PCDH9: variants seen among roughly 807,000 people sequenced by gnomAD.
PCDH9 encodes the protein protocadherin 9, also known as protocadherin-9.
PCDH9 carries 24 observed loss-of-function variants against 70.6 expected under a neutral mutation model. The observed-to-expected ratio is 0.34, with a 90% CI of 0.25 to 0.48. The LOEUF (loss-of-function observed/expected upper bound fraction) is 0.48, where lower values mean the gene tolerates loss of function less well. Among genes scored for constraint, PCDH9 ranks in the 20% least tolerant of loss-of-function variants. The pLI, the probability that PCDH9 is intolerant of heterozygous loss-of-function variation, is 0.99. For synonymous variants in PCDH9, 562 were observed against 558.5 expected (o/e 1.01, Z -0.09); for missense variants, 1,281 against 1,503.6 (o/e 0.85, Z 2.45).
At position 66,896,577 on chromosome 13, in the gene PCDH9, T is replaced by A. The variant is rs549690182; in HGVS notation, c.3138+6927A>T. Among the ~76,000 whole-genome samples the A allele has an allele frequency of 1.4e-4, 21 of 152,326 alleles. No individual in the cohort carries two copies. The East Asian group carries it at 4.0e-3, about 29-fold the overall frequency. On this transcript the variant is annotated intron_variant, in intron 3 of 4. Coordinates refer to ENST00000377865, the MANE Select transcript of PCDH9 (RefSeq NM_203487.3). Reference sequence around the variant, plus strand: ...AATAATTTCTATAAAAATCAAAATCTATTTGTACAAATGTATCTGTAAATA... The same window carrying A: ...AATAATTTCTATAAAAATCAAAATCAATTTGTACAAATGTATCTGTAAATA...
chr13:66,349,104 TG>T (rs2138165036), intron 4 of PCDH9, among the ~76,000 whole-genome samples: 1 of 152,314 alleles, frequency 6.6e-6, no homozygotes, highest in South Asian at 2.1e-4. Context: ...TCTGAATTAC[TG>T]AGAGTTTGAC....
intron 2 of PCDH9, among the ~76,000 whole-genome samples, chr13:67,073,209 A>G (rs1263042465): frequency 6.6e-6 from 1 of 152,174 alleles, no homozygotes; most frequent in African/African-American, 2.4e-5. Context: ...ATTCTTATGC[A>G]AATGGTCTGG....
Position 66,595,338 on chromosome 13 carries a change from T to C in PCDH9, c.3340+35872A>G, listed in dbSNP as rs145737228. 1.4e-3 allele frequency among the ~76,000 whole-genome samples: 220 copies of C among 151,858 alleles called. 1 individual carries two copies. Among genetic ancestry groups the C allele is most frequent in the African/African-American group, 5.1e-3 (211 of 41,502 alleles). On this transcript the variant is annotated intron_variant, in intron 4 of 4. Coordinates refer to ENST00000377865, the MANE Select transcript of PCDH9 (RefSeq NM_203487.3). ...ACAAAATCCAATTAACCAACACACA[T>C]GATCACCCCAATTGCCAGGAGAAGT...
At chr13:66,434,974 T>C (rs1957842773) in intron 4 of PCDH9, among the ~76,000 whole-genome samples, 1 of 152,086 alleles carries the variant, frequency 6.6e-6, no homozygotes, top group African/African-American at 2.4e-5. Context: ...TAGTACAAGC[T>C]GCAGTAGAAG....
chr13:66,403,161 A>G (rs1023459000), intron 4 of PCDH9, among the ~76,000 whole-genome samples: 1 of 151,600 alleles, frequency 6.6e-6, no homozygotes, highest in African/African-American at 2.4e-5. Flanking sequence ...TTTTTTCAAT[A>G]CAGGGTTTCA....
Position 67,225,544 on chromosome 13 carries a change from T to C in PCDH9, c.2897A>G (p.Glu966Gly). The C allele has an allele frequency of 6.2e-7, 1 of 1,614,136 alleles. No individual in the cohort carries two copies. Among genetic ancestry groups the C allele is most frequent in the Non-Finnish European group, 8.5e-7 (1 of 1,180,016 alleles). ...VSVKKHHVIQ[E>G]LPLDNTFVGG... ...AACAAAGGTGTTGTCCAAAGGGAGT[T>C]CCTGAATCACGTGGTGCTTTTTCAC... The change falls in exon 2 of 5, where the codon GAA becomes GGA. Residue 966 changes from glutamate (E) to glycine (G), a missense_variant. Coordinates refer to ENST00000377865, the MANE Select transcript of PCDH9 (RefSeq NM_203487.3).
At chr13:66,871,066 T>G (rs1166815655) in intron 3 of PCDH9, among the ~76,000 whole-genome samples, 1 of 151,944 alleles carries the variant, frequency 6.6e-6, no homozygotes, top group Non-Finnish European at 1.5e-5. Context: ...CCATAAAAAA[T>G]GATGAGTTCA....
rs1056012025 is a variant in PCDH9, at chr13:66,877,915, G to A, written c.3138+25589C>T. Among the ~76,000 whole-genome samples, 54 of 152,062 alleles carry A rather than the reference G, an allele frequency of 3.6e-4. 1 individual carries two copies. Among genetic ancestry groups the A allele is most frequent in the African/African-American group, 1.3e-3 (52 of 41,410 alleles). ...CTCCCACCAGCCCTTTCACCTTACTGGGTTCTTAAATTAACTTTTAACTTG... is the reference window on the plus strand; with the variant it reads ...CTCCCACCAGCCCTTTCACCTTACTAGGTTCTTAAATTAACTTTTAACTTG... On this transcript the variant is annotated intron_variant, in intron 3 of 4. Coordinates refer to ENST00000377865, the MANE Select transcript of PCDH9 (RefSeq NM_203487.3).
At chr13:66,996,598 T>C (rs1043451778) in intron 2 of PCDH9, among the ~76,000 whole-genome samples, 1 of 152,184 alleles carries the variant, frequency 6.6e-6, no homozygotes, top group African/African-American at 2.4e-5. Flanking sequence ...AGAAAGGAAA[T>C]AGCATCAACA....
intron 3 of PCDH9, among the ~76,000 whole-genome samples, chr13:66,850,044 CT>C (rs1286844802): frequency 1.3e-5 from 2 of 151,956 alleles, no homozygotes; most frequent in East Asian, 1.9e-4. Context: ...TACCAATTTC[CT>C]TTTTAGTGGC....
intron 2 of PCDH9, among the ~76,000 whole-genome samples, chr13:67,052,472 T>A (rs1425894123): frequency 1.3e-5 from 2 of 151,992 alleles, no homozygotes; most frequent in Non-Finnish European, 2.9e-5. Context: ...TGGGAGGTTA[T>A]CTGAAGGCTA....
rs1418789635 is a variant in PCDH9 at position 66,437,097 on chromosome 13, T to C, written c.3341-132069A>G. Reference sequence around the variant, plus strand: ...CCTATCTCACCACTATGGACAATCCTACAGTTCTACCTTGTTAAAAACAAG... The same window carrying C: ...CCTATCTCACCACTATGGACAATCCCACAGTTCTACCTTGTTAAAAACAAG... On this transcript the variant is annotated intron_variant, in intron 4 of 4. Transcript: ENST00000377865. Among the ~76,000 whole-genome samples the C allele has an allele frequency of 3.3e-5, 5 of 151,250 alleles. No homozygotes were observed. The South Asian group carries it at 6.3e-4, about 19-fold the overall frequency.
chr13:66,818,623 C>T (rs1199206459), intron 3 of PCDH9, among the ~76,000 whole-genome samples: 2 of 152,126 alleles, frequency 1.3e-5, no homozygotes, highest in Non-Finnish European at 2.9e-5. Flanking sequence ...TAAGACAAAT[C>T]AGTATTTTCT....
chr13:67,033,130 C>T lies in PCDH9; in HGVS notation c.3037-129525G>A, dbSNP rs74093555. On this transcript the variant is annotated intron_variant, in intron 2 of 4. Transcript: ENST00000377865. ...CACAGACAAGGAGGCCATAAACAGT[C>T]ACCCTCAAACAATGAAAATTAAGAT... Among the ~76,000 whole-genome samples, 878 of 152,254 alleles carry T rather than the reference C, an allele frequency of 5.8e-3. 7 individuals are homozygous for T. Among genetic ancestry groups the T allele is most frequent in the African/African-American group, 0.02 (844 of 41,540 alleles).
intron 2 of PCDH9, among the ~76,000 whole-genome samples, chr13:67,150,840 A>T (rs1425230920): frequency 6.6e-6 from 1 of 152,160 alleles, no homozygotes; most frequent in African/African-American, 2.4e-5. Flanking sequence ...CTGCACTACT[A>T]TTGGCAAGCA....
chr13:67,195,751 T>C (rs2089046718), intron 2 of PCDH9, among the ~76,000 whole-genome samples: 1 of 152,136 alleles, frequency 6.6e-6, no homozygotes, highest in Non-Finnish European at 1.5e-5. Flanking sequence ...ATACAAGATA[T>C]TACATACAGC....
intron 3 of PCDH9, among the ~76,000 whole-genome samples, chr13:66,785,635 T>A: frequency 6.6e-6 from 1 of 152,068 alleles, no homozygotes; most frequent in East Asian, 1.9e-4. Flanking sequence ...TCAGCAACAT[T>A]AAGGTGACAT....
intron 2 of PCDH9, among the ~76,000 whole-genome samples, chr13:66,951,290 G>T (rs2083176368): frequency 6.6e-6 from 1 of 152,062 alleles, no homozygotes; most frequent in Admixed American, 6.6e-5. Context: ...CACATCCAAG[G>T]GTTCAGTGAA....
intron 3 of PCDH9, among the ~76,000 whole-genome samples, chr13:66,669,726 A>G (rs1191533704): frequency 6.6e-6 from 1 of 152,208 alleles, no homozygotes; most frequent in Non-Finnish European, 1.5e-5. Context: ...GGAACAAAGG[A>G]AATGATGGAT....
Sources: gnomAD v4.1 joint callset for allele counts (sites outside exome capture counted in the v4.1 genomes callset) on GRCh38, gnomAD v4.1.1 for gene constraint, MANE v1.5 for transcripts, NCBI Gene and HGNC (gene_info 2026-07-23, HGNC 2026-07-21) for gene names.